Variants in APC observed in about 807,000 individuals in gnomAD.
APC encodes the protein adenomatous polyposis coli protein.
Under a neutral mutation model 247.0 loss-of-function variants are expected in APC, and 72 were observed. That is an observed-to-expected ratio of 0.29 (90% CI 0.24 to 0.35). The LOEUF is 0.35. Among genes scored for constraint, APC ranks in the 10% least tolerant of loss-of-function variants. The probability of loss-of-function intolerance (pLI) is 1.00; values close to 1 mark genes in which losing one functional copy is unlikely to be tolerated. For synonymous variants in APC, 1,254 were observed against 1,162.5 expected (o/e 1.08, Z -1.60); for missense variants, 3,400 against 3,360.7 (o/e 1.01, Z -0.29).
chr5:112,754,353 T>C, intron 1 of APC, among the ~76,000 whole-genome samples: 1 of 152,230 alleles, frequency 6.6e-6, no homozygotes, highest in East Asian at 1.9e-4. Context: ...ATCTTAGAAC[T>C]TCAGAACTAT....
intron 8 of APC, among the ~76,000 whole-genome samples, chr5:112,811,023 TCA>T (rs66911377): frequency 0.52 from 78,460 of 151,454 alleles, 20,949 homozygotes; most frequent in East Asian, 0.82. Flanking sequence ...AAACTCCATC[TCA>T]CACACACACA....
At chr5:112,769,310 C>G (rs1174420258) in intron 4 of APC, among the ~76,000 whole-genome samples, 1 of 151,964 alleles carries the variant, frequency 6.6e-6, no homozygotes, top group Non-Finnish European at 1.5e-5. Flanking sequence ...CTTGGCCTCC[C>G]AAAGTTTTGG....
chr5:112,813,752 TAAAA>T (rs374758963), intron 8 of APC, among the ~76,000 whole-genome samples: 1 of 132,314 alleles, frequency 7.6e-6, no homozygotes. Context: ...ACCTTGTCTC[TAAAA>T]AAAAAAAAAG....
At chr5:112,743,427 T>C (rs1753269837) in intron 1 of APC, among the ~76,000 whole-genome samples, 1 of 152,202 alleles carries the variant, frequency 6.6e-6, no homozygotes, top group Admixed American at 6.5e-5. Context: ...TCCATTTTTT[T>C]TAAGCTGAAG....
intron 1 of APC, among the ~76,000 whole-genome samples, chr5:112,742,894 A>T (rs949021170): frequency 6.6e-6 from 1 of 152,194 alleles, no homozygotes; most frequent in Non-Finnish European, 1.5e-5. Flanking sequence ...ATTTATCCCT[A>T]GGAGAGGGAT....
chr5:112,794,082 T>C (rs987130069), intron 7 of APC, among the ~76,000 whole-genome samples: 13 of 152,028 alleles, frequency 8.6e-5, no homozygotes, highest in Admixed American at 2.0e-4. Flanking sequence ...CTGGGTTGTT[T>C]TGTTGGTGAA....
At chr5:112,749,424 G>C (rs756699844) in intron 1 of APC, among the ~76,000 whole-genome samples, 1 of 151,434 alleles carries the variant, frequency 6.6e-6, no homozygotes, top group Non-Finnish European at 1.5e-5. Context: ...ATTCAGATAC[G>C]GTATTTTGAA....
At chr5:112,777,749 C>G (rs557421866) in intron 5 of APC, 142 of 248,536 alleles carry the variant, frequency 5.7e-4, no homozygotes, top group African/African-American at 3.1e-3. Context: ...GCAACTCTGC[C>G]TAATCTGAAT....
At chr5:112,722,793 G>A (rs1195526795) in intron 1 of APC, among the ~76,000 whole-genome samples, 1 of 152,096 alleles carries the variant, frequency 6.6e-6, no homozygotes. Context: ...GCCTTCTCTG[G>A]GTGTACCAAC....
At chr5:112,745,712 C>T (rs530601784) in intron 1 of APC, among the ~76,000 whole-genome samples, 5 of 152,004 alleles carry the variant, frequency 3.3e-5, no homozygotes, top group Admixed American at 2.0e-4. Flanking sequence ...GGACTACAGG[C>T]GGGTGCCACC....
intron 7 of APC, 72 bp downstream of exon 7, chr5:112,792,601 A>T: frequency 9.3e-7 from 1 of 1,078,554 alleles, no homozygotes; most frequent in Non-Finnish European, 1.4e-6. Flanking sequence ...AACATGTATA[A>T]TTTAATGTGA....
chr5:112,834,843 C>T, intron 14 of APC, 108 bp from the exon 15 acceptor site: 1 of 969,926 alleles, frequency 1.0e-6, no homozygotes, highest in Middle Eastern at 3.1e-4. Context: ...GAGGGACGGG[C>T]AATAGGATAG....
rs1554085637 is a variant in APC, at chr5:112,839,819, C to G, written c.4225C>G (p.Pro1409Ala). 6.2e-7 allele frequency: 1 copy of G among 1,614,040 alleles called. No homozygotes were observed. The change falls in exon 16 of 16, where the codon CCA becomes GCA. Residue 1409 changes from proline to alanine, a missense_variant. By Grantham distance (27) the Pro-to-Ala change is conservative (BLOSUM62 -1). Around this residue, in one of 9 missense-constraint regions of APC, gnomAD observed 40 missense variants for 75.6 expected, o/e 0.53. Coordinates refer to ENST00000257430, the MANE Select transcript of APC (RefSeq NM_000038.6). The surrounding 1 kb of genome is among the most constrained non-coding windows in gnomAD (Gnocchi z 5.0). ...RSIASSVQSE[P>A]CSGMVSGIIS... ...GATTGCCAGCTCCGTTCAGAGTGAA[C>G]CATGCAGTGGAATGGTAAGTGGCAT...
rs539263900 is a variant in APC, at chr5:112,728,272, C to T, written c.165+20390C>T. Among the ~76,000 whole-genome samples, 14 of 152,116 alleles carry T rather than the reference C, an allele frequency of 9.2e-5. No individual in the cohort carries two copies. In the South Asian group the frequency reaches 1.0e-3, roughly 11 times the overall value. ...CCTCCTGAGTAGCTGGGATTACAGG[C>T]GCCCACCACCATGCCTGCCTATTGT... On this transcript the variant is annotated intron_variant, in intron 1 of 13. Coordinates refer to the APC transcript ENST00000507379.
At position 112,843,259 on chromosome 5, in the gene APC, A is replaced by G. The variant is rs1766536743; in HGVS notation, c.7665A>G (p.Ser2555=). ...GTWKREHSKH[S]SSLPRVSTWR... is the part of the protein sequence containing the mutation. ...GGAAACGTGAGCACAGCAAACATTC[A>G]TCATCCCTTCCTCGAGTAAGCACTT... is the stretch of plus-strand genomic sequence containing the variant. The change falls in exon 16 of 16, where the codon TCA becomes TCG. Residue 2555 remains serine (S), a synonymous_variant. Transcript: ENST00000257430. The surrounding 1 kb of genome is among the most constrained non-coding windows in gnomAD (Gnocchi z 4.8). 6.2e-7 allele frequency: 1 copy of G among 1,613,812 alleles called. No homozygotes were observed. The highest frequency in any genetic ancestry group is 8.5e-7 in the Non-Finnish European group (1 of 1,179,704).
intron 1 of APC, among the ~76,000 whole-genome samples, chr5:112,740,234 G>A (rs1166999420): frequency 2.6e-5 from 4 of 152,088 alleles, no homozygotes; most frequent in Admixed American, 2.0e-4. Context: ...ATTCATAAAC[G>A]ACTTTTTAAA....
chr5:112,839,310 G>A lies in APC; in HGVS notation c.3716G>A (p.Arg1239Lys), dbSNP rs754067085. 2 of 1,613,948 alleles carry A rather than the reference G, an allele frequency of 1.2e-6. No homozygotes were observed. Among genetic ancestry groups the A allele is most frequent in the East Asian group, 2.2e-5 (1 of 44,886 alleles). The part of the protein sequence containing the change: ...NQLHPSSAQS[R>K]SGQPQKAATC... ...CTCCATCCAAGTTCTGCACAGAGTA[G>A]AAGTGGTCAGCCTCAAAAGGCTGCC... is the stretch of plus-strand genomic sequence containing the variant. The change falls in exon 16 of 16, where the codon AGA becomes AAA. Residue 1239 changes from arginine (R) to lysine (K), a missense_variant. By Grantham distance (26) the Arg-to-Lys change is conservative (BLOSUM62 2). This residue lies in a region of APC where 715 missense variants were observed against 656.6 expected (regional missense o/e 1.09). Transcript: ENST00000257430. This position sits in a 1 kb window ranked among gnomAD's most constrained non-coding sequence, Gnocchi z 5.0.
intron 9 of APC, among the ~76,000 whole-genome samples, chr5:112,816,621 C>T (rs1317804612): frequency 6.6e-6 from 1 of 151,774 alleles, no homozygotes; most frequent in Non-Finnish European, 1.5e-5. Context: ...TGGTGAAACC[C>T]CGTCTCTACT....
chr5:112,764,061 C>G (rs1755979301), intron 2 of APC, among the ~76,000 whole-genome samples: 1 of 144,172 alleles, frequency 6.9e-6, no homozygotes, highest in African/African-American at 2.6e-5. Flanking sequence ...CACGGTGAAA[C>G]CCCGTCTCTA....
Sources: allele counts gnomAD v4.1 joint callset (sites outside exome capture counted in the v4.1 genomes callset), GRCh38; gene constraint gnomAD v4.1.1; regional missense constraint gnomAD v4.1.1; non-coding constraint Gnocchi (gnomAD v3.1); transcripts MANE v1.5; gene names NCBI Gene and HGNC (gene_info 2026-07-23, HGNC 2026-07-21).